SCN7A: variants seen among roughly 807,000 people sequenced by gnomAD.
SCN7A encodes the protein sodium channel protein type 7 subunit alpha.
SCN7A carries 138 observed loss-of-function variants against 155.2 expected under a neutral mutation model. The ratio of observed to expected loss-of-function variants is 0.89; its 90% CI spans 0.77 to 1.02. The LOEUF (loss-of-function observed/expected upper bound fraction) is 1.02, where lower values mean the gene tolerates loss of function less well. Among genes scored for constraint, SCN7A ranks in the 50% least tolerant of loss-of-function variants. The pLI is 0.00. For synonymous variants in SCN7A, 693 were observed against 649.0 expected, an observed-to-expected ratio of 1.07 and a Z score of -1.03; for missense variants, 2,058 against 1,986.6, an observed-to-expected ratio of 1.04 and a Z score of -0.68.
intron 21 of SCN7A, among the ~76,000 whole-genome samples, chr2:166,414,193 TA>T (rs1378001427): frequency 9.5e-5 from 9 of 94,658 alleles, no homozygotes; most frequent in Non-Finnish European, 1.2e-4. Context: ...ATATAATATA[TA>T]ATATATTATA....
chr2:166,475,746 T>C (rs1301180821), intron 3 of SCN7A, among the ~76,000 whole-genome samples: 1 of 152,016 alleles, frequency 6.6e-6, no homozygotes, highest in Non-Finnish European at 1.5e-5. Flanking sequence ...TGAAACTGTT[T>C]TGTTAATTAT....
intron 2 of SCN7A, among the ~76,000 whole-genome samples, chr2:166,481,199 C>G (rs1215849874): frequency 2.0e-5 from 3 of 152,248 alleles, no homozygotes; most frequent in African/African-American, 7.2e-5. Flanking sequence ...AACTCTGTGA[C>G]TAATGTTCTA....
Position 166,409,837 on chromosome 2 carries a change from T to C in SCN7A, c.3810A>G (p.Ile1270Met), listed in dbSNP as rs1337525911. Residue 1270 changes from isoleucine to methionine, a missense_variant, in exon 25 of 26, where the codon ATA becomes ATG. Ile to Met is a conservative substitution (Grantham distance 10). Transcript: ENST00000643258. ...TTTGTAGACTCTGAACATCAGTGTC[T>C]ATCATCATGGCTATTGCTTGGAAAC... Reference protein sequence around the residue: ...LICFQAIAMMIDTDVQSLQMS... With the variant: ...LICFQAIAMMMDTDVQSLQMS... The C allele has an allele frequency of 6.4e-7, 1 of 1,572,536 alleles. No homozygotes were observed. The highest frequency in any genetic ancestry group is 1.8e-5 in the Admixed American group (1 of 54,346).
chr2:166,446,786 G>A (rs545438790), intron 12 of SCN7A, among the ~76,000 whole-genome samples: 21 of 152,156 alleles, frequency 1.4e-4, no homozygotes, highest in African/African-American at 4.3e-4. Context: ...ACCAAACACC[G>A]CATGTCCTCA....
chr2:166,488,576 G>A (rs1484626142), intron 1 of SCN7A, among the ~76,000 whole-genome samples: 1 of 151,938 alleles, frequency 6.6e-6, no homozygotes, highest in African/African-American at 2.4e-5. Flanking sequence ...CACACACAGT[G>A]CAGGTGAGAA....
At chr2:166,444,448 A>G (rs1020305395) in intron 13 of SCN7A, among the ~76,000 whole-genome samples, 1 of 152,160 alleles carries the variant, frequency 6.6e-6, no homozygotes, top group Non-Finnish European at 1.5e-5. Context: ...TAATGGTACC[A>G]AGAGACTGTA....
chr2:166,443,563 A>C lies in SCN7A; in HGVS notation c.1740T>G (p.Gly580=). ...NIFDSMIVFH[G]LIELCLANVA... is the part of the protein sequence containing the mutation. Reference sequence around the variant, plus strand: ...CATTTGCTAGACAAAGTTCTATTAAACCATGGAACACTATCATGCTATCAA... The same window carrying C: ...CATTTGCTAGACAAAGTTCTATTAACCCATGGAACACTATCATGCTATCAA... The change falls in exon 14 of 26, where the codon GGT becomes GGG. Residue 580 remains glycine, a synonymous_variant. Coordinates refer to ENST00000643258, the MANE Select transcript of SCN7A (RefSeq NM_002976.4). 6.3e-7 allele frequency: 1 copy of C among 1,593,748 alleles called. No individual in the cohort carries two copies. Among genetic ancestry groups the C allele is most frequent in the Non-Finnish European group, 8.6e-7 (1 of 1,169,564 alleles).
chr2:166,464,416 A>G (rs1023658172), intron 9 of SCN7A, among the ~76,000 whole-genome samples: 2 of 152,062 alleles, frequency 1.3e-5, no homozygotes, highest in African/African-American at 4.8e-5. Context: ...CATGAGTCAC[A>G]TTGCTGAGAA....
intron 15 of SCN7A, among the ~76,000 whole-genome samples, chr2:166,434,864 C>T (rs923087821): frequency 6.6e-6 from 1 of 152,002 alleles, no homozygotes; most frequent in African/African-American, 2.4e-5. Context: ...ACAACCAGCA[C>T]ACTGCTAGGC....
intron 1 of SCN7A, among the ~76,000 whole-genome samples, chr2:166,491,377 T>A (rs767962946): frequency 1.2e-4 from 19 of 152,128 alleles, no homozygotes; most frequent in Non-Finnish European, 2.8e-4. Context: ...GCTGAGTCAA[T>A]CCAATTATAA....
At chr2:166,411,469 A>G (rs1701201262) in intron 23 of SCN7A, among the ~76,000 whole-genome samples, 1 of 150,850 alleles carries the variant, frequency 6.6e-6, no homozygotes, top group African/African-American at 2.4e-5. Flanking sequence ...CTTCGAATAC[A>G]AAAAGAAGCT....
intron 11 of SCN7A, among the ~76,000 whole-genome samples, chr2:166,452,191 T>G (rs1012560155): frequency 3.3e-5 from 5 of 152,068 alleles, no homozygotes; most frequent in African/African-American, 1.2e-4. Context: ...GATTTATTTT[T>G]TAAAGATTCT....
intron 21 of SCN7A, among the ~76,000 whole-genome samples, chr2:166,415,641 C>T (rs2105378054): frequency 6.6e-6 from 1 of 152,242 alleles, no homozygotes; most frequent in Non-Finnish European, 1.5e-5. Flanking sequence ...TTAACATGGA[C>T]ATTTGTCAGT....
intron 18 of SCN7A, among the ~76,000 whole-genome samples, chr2:166,426,940 C>T (rs62176969): frequency 3.5e-4 from 53 of 152,186 alleles, no homozygotes; most frequent in Admixed American, 1.1e-3. Context: ...GTGCACCTCA[C>T]AGTTAACTAG....
rs1703059625 is a variant in SCN7A at position 166,486,751 on chromosome 2, T to C, written c.-15+105A>G. On this transcript the variant is annotated intron_variant, in intron 2 of 25. Transcript: ENST00000643258. ...TAGCTAAGCTTCACCCAACCAACTT[T>C]ATAAAGCAAGCAGACACATCATTAC... The C allele has an allele frequency of 2.0e-5, 3 of 152,350 alleles. No individual in the cohort carries two copies. The South Asian group carries it at 6.2e-4, about 32-fold the overall frequency. 9.4% of individuals were successfully genotyped at this position (152,350 alleles called of 1,614,324 possible). A position where few individuals can be genotyped will look rare whatever the true frequency, so the allele number is the denominator to read the frequency against.
chr2:166,433,609 TCTCA>T (rs1243181385), intron 15 of SCN7A, among the ~76,000 whole-genome samples: 1 of 152,160 alleles, frequency 6.6e-6, no homozygotes, highest in Non-Finnish European at 1.5e-5. Flanking sequence ...AAGCTTATTT[TCTCA>T]CTGAGTCAAG....
intron 3 of SCN7A, among the ~76,000 whole-genome samples, chr2:166,476,128 A>G (rs1274137056): frequency 6.6e-6 from 1 of 151,952 alleles, no homozygotes; most frequent in Non-Finnish European, 1.5e-5. Flanking sequence ...AAATGCTCTC[A>G]AGATTAAGCA....
chr2:166,430,732 TATA>T (rs1180297391), intron 16 of SCN7A, among the ~76,000 whole-genome samples: 1 of 151,970 alleles, frequency 6.6e-6, no homozygotes, highest in Non-Finnish European at 1.5e-5. Flanking sequence ...ATGTTATTTT[TATA>T]ATATGTAAAT....
intron 21 of SCN7A, among the ~76,000 whole-genome samples, chr2:166,416,027 C>CT (rs1319452498): frequency 3.3e-5 from 5 of 152,012 alleles, no homozygotes; most frequent in Non-Finnish European, 7.4e-5. Context: ...GGAATTCATT[C>CT]CTGGAGAGAG....
Sources: gnomAD v4.1 joint callset for allele counts (sites outside exome capture counted in the v4.1 genomes callset) on GRCh38, gnomAD v4.1.1 for gene constraint, MANE v1.5 for transcripts, NCBI Gene and HGNC (gene_info 2026-07-23, HGNC 2026-07-21) for gene names.